The following RBM47 variants were observed in gnomAD, a reference collection of about 807,000 sequenced individuals.
RBM47 encodes the protein RNA-binding protein 47.
A neutral mutation model predicts 47.1 loss-of-function variants in RBM47; 21 were observed. The observed-to-expected ratio is 0.45, with a 90% confidence interval of 0.32 to 0.64. The LOEUF (loss-of-function observed/expected upper bound fraction) is 0.64. Ranked by LOEUF, RBM47 falls within the 30% of genes least tolerant of loss-of-function variation. The pLI, the probability that RBM47 is intolerant of heterozygous loss-of-function variation, is 0.05. For missense variants in RBM47, 708 were observed against 870.9 expected (o/e 0.81, Z 2.35); for synonymous variants, 375 against 361.7 (o/e 1.04, Z -0.42).
chr4:40,455,941 T>C (rs1716174519), intron 3 of RBM47, among the ~76,000 whole-genome samples: 1 of 152,158 alleles, frequency 6.6e-6, no homozygotes, highest in South Asian at 2.1e-4. Context: ...AAAATTAAAA[T>C]GTAAAGAACC....
intron 1 of RBM47, among the ~76,000 whole-genome samples, chr4:40,545,078 G>C (rs1452905466): frequency 1.4e-5 from 2 of 138,564 alleles, no homozygotes; most frequent in Non-Finnish European, 3.1e-5. Context: ...TTCAGACGGA[G>C]TCTCGCTCTG....
chr4:40,616,870 TTTTC>T (rs1404256503), intron 1 of RBM47, among the ~76,000 whole-genome samples: 2,027 of 133,266 alleles, frequency 0.015, 52 homozygotes, highest in African/African-American at 0.056. Flanking sequence ...TTATATTTTC[TTTTC>T]TTTTTTTTTT....
At chr4:40,556,174 T>C (rs1730065160) in intron 1 of RBM47, among the ~76,000 whole-genome samples, 1 of 151,812 alleles carries the variant, frequency 6.6e-6, no homozygotes, top group African/African-American at 2.4e-5. Context: ...TAGCTGGGAT[T>C]ACAGGCATGC....
At chr4:40,625,466 G>A (rs1265365085) in intron 1 of RBM47, among the ~76,000 whole-genome samples, 1 of 152,128 alleles carries the variant, frequency 6.6e-6, no homozygotes, top group African/African-American at 2.4e-5. Context: ...TCCTGTTCCT[G>A]TTTCAGCTGC....
rs374080417 is a variant in RBM47, at chr4:40,628,943, G to C, written c.-240+453C>G. Among the ~76,000 whole-genome samples the C allele has an allele frequency of 1.3e-5, 2 of 151,974 alleles. No individual in the cohort carries two copies. On this transcript the variant is annotated intron_variant, in intron 1 of 6. Coordinates refer to ENST00000295971, the MANE Select transcript of RBM47 (RefSeq NM_001098634.2). The surrounding 1 kb of genome is among the most constrained non-coding windows in gnomAD (Gnocchi z 4.0). ...AATTTGAAACAACTACACCTCTACC[G>C]AGTGTTACTTTCAGACGTAAATTAC...
chr4:40,483,891 A>C (rs954651650), intron 2 of RBM47, among the ~76,000 whole-genome samples: 26 of 152,356 alleles, frequency 1.7e-4, no homozygotes, highest in African/African-American at 6.3e-4. Context: ...TATTCTTTTT[A>C]CTTAGCAATG....
At chr4:40,620,644 T>C (rs1737181065) in intron 1 of RBM47, among the ~76,000 whole-genome samples, 1 of 152,228 alleles carries the variant, frequency 6.6e-6, no homozygotes, top group African/African-American at 2.4e-5. Flanking sequence ...ATATAGTATA[T>C]TACCAAAGAC....
At chr4:40,466,772 G>GC (rs1491303534) in intron 2 of RBM47, 73 bp from the exon 3 acceptor site, 1 of 24,254 alleles carries the variant, frequency 4.1e-5, no homozygotes, top group Non-Finnish European at 6.5e-5. Context: ...ATTAGAAATT[G>GC]GGGGGGGGGG....
intron 2 of RBM47, among the ~76,000 whole-genome samples, chr4:40,519,804 G>A (rs1251581803): frequency 6.6e-6 from 1 of 151,694 alleles, no homozygotes; most frequent in Non-Finnish European, 1.5e-5. Flanking sequence ...CGAGTAGATG[G>A]GACAACAGGC....
In RBM47 at chr4:40,466,689, T is replaced by C. The variant is rs376333838; in HGVS notation, c.-144A>G. ...TCTGTTCAATTTTTGCAGTGCCCTT[T>C]GAGGCAAATCCTAAGGGTTAAAAAA... On this transcript the variant is annotated 5_prime_UTR_variant, in exon 3 of 7. Transcript: ENST00000295971. 6.9e-6 allele frequency: 1 copy of C among 145,206 alleles called. No homozygotes were observed. Among genetic ancestry groups the C allele is most frequent in the South Asian group, 2.2e-4 (1 of 4,556 alleles). The allele number at this position is 145,206 out of a possible 1,614,324, so 9.0% of individuals were successfully genotyped here.
At chr4:40,594,732 C>T (rs34732060) in intron 1 of RBM47, among the ~76,000 whole-genome samples, 43,192 of 152,030 alleles carry the variant, frequency 0.28, 7,422 homozygotes, top group Non-Finnish European at 0.36. Flanking sequence ...TTGTTTCTCC[C>T]GGCCACCTCC....
intron 3 of RBM47, among the ~76,000 whole-genome samples, chr4:40,447,049 T>C (rs935269615): frequency 6.6e-6 from 1 of 152,134 alleles, no homozygotes; most frequent in African/African-American, 2.4e-5. Context: ...CTAAAGCACT[T>C]TGCAGAAGCT....
intron 1 of RBM47, among the ~76,000 whole-genome samples, chr4:40,553,450 A>G (rs1322512433): frequency 6.6e-6 from 1 of 152,116 alleles, no homozygotes; most frequent in Non-Finnish European, 1.5e-5. Flanking sequence ...GGCGCATGCC[A>G]CTATGCATGG....
chr4:40,539,140 C>T (rs1172908776), intron 2 of RBM47, among the ~76,000 whole-genome samples: 1 of 152,026 alleles, frequency 6.6e-6, no homozygotes. Context: ...ACAAAATAAA[C>T]AGTACCAAGT....
chr4:40,437,111 A>ATATAT (rs1491310906), intron 4 of RBM47, among the ~76,000 whole-genome samples: 2 of 64,392 alleles, frequency 3.1e-5, no homozygotes, highest in African/African-American at 2.0e-4. Flanking sequence ...ATATATATAT[A>ATATAT]AAATACATAT....
At chr4:40,483,718 A>ATACAATACAATACAG (rs1720726318) in intron 2 of RBM47, among the ~76,000 whole-genome samples, 1 of 152,166 alleles carries the variant, frequency 6.6e-6, no homozygotes, top group African/African-American at 2.4e-5. Flanking sequence ...ATACAATACA[A>ATACAATACAATACAG]TACAGTACAA....
intron 1 of RBM47, among the ~76,000 whole-genome samples, chr4:40,563,515 G>A (rs1041440944): frequency 6.6e-6 from 1 of 152,228 alleles, no homozygotes; most frequent in African/African-American, 2.4e-5. Flanking sequence ...ATATCAGCTA[G>A]TTGATCTAGA....
chr4:40,521,328 G>A (rs937238091), intron 2 of RBM47, among the ~76,000 whole-genome samples: 10 of 151,948 alleles, frequency 6.6e-5, no homozygotes, highest in African/African-American at 2.4e-4. Flanking sequence ...AGCCTCCCAA[G>A]TAGCTGGGAT....
intron 2 of RBM47, among the ~76,000 whole-genome samples, chr4:40,513,696 G>A (rs1725221252): frequency 6.6e-6 from 1 of 151,894 alleles, no homozygotes; most frequent in Non-Finnish European, 1.5e-5. Context: ...TTGAGGATAA[G>A]AGGCCGTTTT....
Sources: allele counts gnomAD v4.1 joint callset (sites outside exome capture counted in the v4.1 genomes callset), GRCh38; gene constraint gnomAD v4.1.1; non-coding constraint Gnocchi (gnomAD v3.1); transcripts MANE v1.5; gene names NCBI Gene and HGNC (gene_info 2026-07-23, HGNC 2026-07-21).